HYDIN: variants seen among roughly 807,000 people sequenced by gnomAD.
The protein encoded by HYDIN is HYDIN axonemal central pair apparatus protein, also known as axonemal central pair apparatus protein HYDIN.
HYDIN carries 132 observed loss-of-function variants against 403.9 expected under a neutral mutation model. The ratio of observed to expected loss-of-function variants is 0.33; its 90% CI spans 0.28 to 0.38. The LOEUF is 0.38. HYDIN is among the 10% of genes least tolerant of loss of function. HYDIN has a pLI of 1.00. For synonymous variants in HYDIN, 1,202 were observed against 1,891.7 expected (o/e 0.64, Z 9.46); for missense variants, 2,827 against 5,009.5 (o/e 0.56, Z 13.15).
At position 70,805,869 on chromosome 16, in the gene HYDIN, C is replaced by A. The variant is rs28588204; in HGVS notation, c.*1711G>T. ...GAATGAAAATATTTAATGAAAAATTCCAGAAATAAAAAATTCATACTTTTT... is the reference window on the plus strand; with the variant it reads ...GAATGAAAATATTTAATGAAAAATTACAGAAATAAAAAATTCATACTTTTT... On this transcript the variant is annotated 3_prime_UTR_variant, in exon 86 of 86. Transcript: ENST00000393567. Among the ~76,000 whole-genome samples the A allele has an allele frequency of 0.039, 5,909 of 152,224 alleles. 364 individuals are homozygous for A. The highest frequency in any genetic ancestry group is 0.13 in the African/African-American group (5,455 of 41,514).
intron 10 of HYDIN, among the ~76,000 whole-genome samples, chr16:71,097,536 T>G (rs2083308611): frequency 6.7e-6 from 1 of 148,636 alleles, no homozygotes; most frequent in Non-Finnish European, 1.5e-5. Flanking sequence ...GCTTATCATT[T>G]ATGAAACATT....
rs2035999881 is a variant in HYDIN, at chr16:70,818,528, A to G, written c.14472T>C (p.Asn4824=). The change falls in exon 84 of 86, where the codon AAT becomes AAC. Residue 4824 remains asparagine, a synonymous_variant. Transcript: ENST00000393567. The stretch of plus-strand genomic sequence containing the variant: ...CTGAAGGGATGACCCTGAAACTCAC[A>G]TTGTAGTACAAGAACTCATTTGTCA... ...NEVTNEFLYY[N]VSFRVIPSGI... 7.5e-7 allele frequency: 1 copy of G among 1,328,940 alleles called. No individual in the cohort carries two copies. Among genetic ancestry groups the G allele is most frequent in the Non-Finnish European group, 1.1e-6 (1 of 944,256 alleles). 82.3% of individuals were successfully genotyped at this position (1,328,940 alleles called of 1,614,324 possible).
intron 1 of HYDIN, among the ~76,000 whole-genome samples, chr16:71,187,304 C>G (rs2087202166): frequency 6.6e-6 from 1 of 152,112 alleles, no homozygotes; most frequent in African/African-American, 2.4e-5. Flanking sequence ...ACCCTTCAAA[C>G]AGAATAAATA....
intron 7 of HYDIN, among the ~76,000 whole-genome samples, chr16:71,139,576 C>T (rs1282694283): frequency 3.3e-5 from 5 of 151,426 alleles, no homozygotes; most frequent in Non-Finnish European, 7.4e-5. Flanking sequence ...CACTCTAGGA[C>T]CTACAGAAAT....
intron 53 of HYDIN, among the ~76,000 whole-genome samples, chr16:70,896,656 GTTT>G (rs60309404): frequency 8.0e-6 from 1 of 125,688 alleles, no homozygotes. Flanking sequence ...ATGCCCAACT[GTTT>G]TTTTTTTTTT....
intron 12 of HYDIN, among the ~76,000 whole-genome samples, chr16:71,082,890 T>C (rs1481755628): frequency 6.6e-6 from 1 of 150,512 alleles, no homozygotes; most frequent in Non-Finnish European, 1.5e-5. Context: ...ACATTTAAAG[T>C]GTACAAATCA....
Position 70,807,776 on chromosome 16 carries a change from T to G in HYDIN, c.15170A>C (p.Asp5057Ala). Residue 5057 changes from aspartate to alanine, a missense_variant, in exon 86 of 86, where the codon GAT (aspartate) becomes GCT (alanine). By Grantham distance (126) the Asp-to-Ala change is moderately radical. Coordinates refer to ENST00000393567, the MANE Select transcript of HYDIN (RefSeq NM_001270974.2). Reference protein sequence around the residue: ...YHMVTFSIIVDNPAFTIRAGE... With the variant: ...YHMVTFSIIVANPAFTIRAGE... ...AGCGCGAATGGTGAAGGCTGGGTTATCCACGATGATGGAGAAGGTCACCAT... is the reference window on the plus strand; with the variant it reads ...AGCGCGAATGGTGAAGGCTGGGTTAGCCACGATGATGGAGAAGGTCACCAT... The G allele has an allele frequency of 6.2e-7, 1 of 1,614,192 alleles. No individual in the cohort carries two copies. The highest frequency in any genetic ancestry group is 8.5e-7 in the Non-Finnish European group (1 of 1,180,034).
At chr16:71,086,121 C>T (rs528426426) in intron 12 of HYDIN, among the ~76,000 whole-genome samples, 1 of 151,734 alleles carries the variant, frequency 6.6e-6, no homozygotes, top group Admixed American at 6.6e-5. Flanking sequence ...TATTTTCTAC[C>T]CTTTTGAATT....
chr16:71,168,242 C>G (rs2144620613), intron 5 of HYDIN, among the ~76,000 whole-genome samples: 1 of 149,162 alleles, frequency 6.7e-6, no homozygotes, highest in East Asian at 2.0e-4. Context: ...TAGCTTGAAC[C>G]CAGGAGGCGG....
chr16:70,949,243 G>C (rs2077982521), intron 41 of HYDIN, among the ~76,000 whole-genome samples: 1 of 145,938 alleles, frequency 6.9e-6, no homozygotes, highest in South Asian at 2.2e-4. Context: ...TCACTCATAG[G>C]TGGGAATTGA....
At chr16:70,817,725 C>T (rs2035932199) in intron 84 of HYDIN, among the ~76,000 whole-genome samples, 1 of 151,986 alleles carries the variant, frequency 6.6e-6, no homozygotes, top group Non-Finnish European at 1.5e-5. Flanking sequence ...CTATTCTATA[C>T]TATTTTATTT....
intron 1 of HYDIN, among the ~76,000 whole-genome samples, chr16:71,228,927 CTGAGT>C (rs2041158528): frequency 1.3e-5 from 2 of 152,162 alleles, no homozygotes; most frequent in African/African-American, 2.4e-5. Context: ...CAACGATAGA[CTGAGT>C]TAAGAAAATG....
Position 71,062,168 on chromosome 16 carries a change from C to T in HYDIN, c.2376+1G>A. 2 of 1,235,742 alleles carry T rather than the reference C, an allele frequency of 1.6e-6. No homozygotes were observed. The highest frequency in any genetic ancestry group is 2.3e-6 in the Non-Finnish European group (2 of 877,454). The allele number at this position is 1,235,742 out of a possible 1,614,324, so 76.5% of individuals were successfully genotyped here. A position where few individuals can be genotyped will look rare whatever the true frequency, so the allele number is the denominator to read the frequency against. ...TTGCAGTTCTGAAAATGGACTCTCA[C>T]CAAAGGGGGGTCCTGGCTCCCAAAG... is the stretch of plus-strand genomic sequence containing the variant. On this transcript the variant is annotated splice_donor_variant, in intron 17 of 85. Coordinates refer to ENST00000393567, the MANE Select transcript of HYDIN (RefSeq NM_001270974.2). LOFTEE classifies it high-confidence loss of function.
chr16:70,898,878 G>C (rs2076224065), intron 53 of HYDIN, among the ~76,000 whole-genome samples: 1 of 151,406 alleles, frequency 6.6e-6, no homozygotes, highest in African/African-American at 2.4e-5. Flanking sequence ...CGAGTAGCTG[G>C]GGTTACAGGC....
chr16:71,133,517 G>A (rs954348874), intron 8 of HYDIN, among the ~76,000 whole-genome samples: 7 of 152,284 alleles, frequency 4.6e-5, no homozygotes, highest in African/African-American at 1.7e-4. Context: ...AAGGAAACAT[G>A]TCATTTCCTC....
chr16:71,038,014 C>G (rs1410116380), intron 18 of HYDIN, among the ~76,000 whole-genome samples: 1 of 152,226 alleles, frequency 6.6e-6, no homozygotes, highest in Non-Finnish European at 1.5e-5. Flanking sequence ...AATGAGCCTT[C>G]CTAAGCTTTC....
intron 3 of HYDIN, among the ~76,000 whole-genome samples, chr16:71,181,062 A>G (rs1032617442): frequency 1.3e-5 from 2 of 152,096 alleles, no homozygotes; most frequent in Non-Finnish European, 2.9e-5. Flanking sequence ...GTTTTAAGGA[A>G]TTAAGGAAGA....
At chr16:71,178,437 A>G (rs1280148518) in intron 4 of HYDIN, among the ~76,000 whole-genome samples, 2 of 69,842 alleles carry the variant, frequency 2.9e-5, no homozygotes, top group Non-Finnish European at 6.3e-5. Context: ...AAAAAAAAAT[A>G]TATATATATA....
At chr16:71,102,409 G>A (rs1380361680) in intron 10 of HYDIN, among the ~76,000 whole-genome samples, 1 of 152,026 alleles carries the variant, frequency 6.6e-6, no homozygotes, top group African/African-American at 2.4e-5. Flanking sequence ...TTGTGTGTTT[G>A]TGTGCACAAA....
Sources: gnomAD v4.1 joint callset for allele counts (sites outside exome capture counted in the v4.1 genomes callset) on GRCh38, gnomAD v4.1.1 for gene constraint, MANE v1.5 for transcripts, NCBI Gene and HGNC (gene_info 2026-07-23, HGNC 2026-07-21) for gene names.